GRM3: variants seen among roughly 807,000 people sequenced by gnomAD.
GRM3 encodes metabotropic glutamate receptor 3.
A neutral mutation model predicts 70.5 loss-of-function variants in GRM3; 26 were observed. The observed-to-expected ratio is 0.37, with a 90% CI of 0.27 to 0.51. The LOEUF is 0.51. Among genes scored for constraint, GRM3 ranks in the 20% least tolerant of loss-of-function variants. The pLI, the probability that GRM3 is intolerant of heterozygous loss-of-function variation, is 0.93. For synonymous variants in GRM3, 443 were observed against 434.9 expected (o/e 1.02, Z -0.23); for missense variants, 859 against 1,123.8 (o/e 0.76, Z 3.37).
At chr7:86,805,293 G>T (rs930178895) in intron 3 of GRM3, among the ~76,000 whole-genome samples, 14 of 151,834 alleles carry the variant, frequency 9.2e-5, no homozygotes, top group African/African-American at 3.4e-4. Flanking sequence ...TTTTTTTAGA[G>T]CAGTTTTGGT....
chr7:86,764,123 G>C (rs1384386316), intron 1 of GRM3, among the ~76,000 whole-genome samples: 1 of 152,122 alleles, frequency 6.6e-6, no homozygotes. Flanking sequence ...GTGTCTGAAG[G>C]ATGTGTGGGT....
At chr7:86,789,365 A>G (rs999552743) in intron 3 of GRM3, among the ~76,000 whole-genome samples, 1 of 152,208 alleles carries the variant, frequency 6.6e-6, no homozygotes, top group Non-Finnish European at 1.5e-5. Flanking sequence ...TAAGTCAAAG[A>G]ACTAACTATA....
At chr7:86,810,798 A>C (rs1013116997) in intron 3 of GRM3, among the ~76,000 whole-genome samples, 2 of 151,940 alleles carry the variant, frequency 1.3e-5, no homozygotes, top group African/African-American at 4.8e-5. Context: ...TCTTAAAAAG[A>C]CTTTTGTTTT....
rs1793860639 is a variant in GRM3, at chr7:86,660,301, T to G, written c.-141+15429T>G. On this transcript the variant is annotated intron_variant, in intron 1 of 5. Coordinates refer to ENST00000361669, the MANE Select transcript of GRM3 (RefSeq NM_000840.3). ...AATTAATTGTGCAGTTTAGCTGAACTTTGCCTTTCCTTGTATCCTAGGAGA... is the reference window on the plus strand; with the variant it reads ...AATTAATTGTGCAGTTTAGCTGAACGTTGCCTTTCCTTGTATCCTAGGAGA... Among the ~76,000 whole-genome samples the G allele has an allele frequency of 3.3e-5, 5 of 152,068 alleles. No individual in the cohort carries two copies. The South Asian group carries it at 1.0e-3, about 31-fold the overall frequency.
chr7:86,813,778 C>G (rs181889258), intron 3 of GRM3, among the ~76,000 whole-genome samples: 150 of 151,740 alleles, frequency 9.9e-4, no homozygotes, highest in African/African-American at 3.5e-3. Context: ...AATTTTATTC[C>G]TCTCTTAAGG....
At chr7:86,762,221 T>C (rs1461678149) in intron 1 of GRM3, among the ~76,000 whole-genome samples, 2 of 152,116 alleles carry the variant, frequency 1.3e-5, no homozygotes, top group Non-Finnish European at 2.9e-5. Flanking sequence ...GTATCAACTT[T>C]TTAAAAAAAT....
At chr7:86,707,599 C>T (rs1280452284) in intron 1 of GRM3, among the ~76,000 whole-genome samples, 2 of 152,108 alleles carry the variant, frequency 1.3e-5, no homozygotes, top group East Asian at 3.9e-4. Context: ...AGGGTTGATG[C>T]AGGGAACAAA....
intron 1 of GRM3, among the ~76,000 whole-genome samples, chr7:86,707,937 T>A (rs1336907234): frequency 1.3e-5 from 2 of 152,054 alleles, no homozygotes; most frequent in Non-Finnish European, 2.9e-5. Context: ...AAGAACCCTA[T>A]GAAAAAGGTA....
At chr7:86,721,876 T>C (rs1795472968) in intron 1 of GRM3, among the ~76,000 whole-genome samples, 1 of 152,112 alleles carries the variant, frequency 6.6e-6, no homozygotes, top group Non-Finnish European at 1.5e-5. Context: ...CAGTGTGATG[T>C]CATTGGCACC....
chr7:86,769,951 C>A (rs1018753470), intron 2 of GRM3, among the ~76,000 whole-genome samples: 1 of 152,106 alleles, frequency 6.6e-6, no homozygotes, highest in African/African-American at 2.4e-5. Context: ...CATAAGCCTG[C>A]AATCCACCCA....
chr7:86,694,891 G>A (rs1488263834), intron 1 of GRM3, among the ~76,000 whole-genome samples: 2 of 152,140 alleles, frequency 1.3e-5, no homozygotes, highest in Non-Finnish European at 2.9e-5. Flanking sequence ...ATATTATGTT[G>A]TTCACAGTCT....
chr7:86,677,976 G>C (rs1193050449), intron 1 of GRM3, among the ~76,000 whole-genome samples: 1 of 151,830 alleles, frequency 6.6e-6, no homozygotes, highest in Admixed American at 6.6e-5. Flanking sequence ...AAGGAGACTA[G>C]TAAATAAATT....
chr7:86,784,059 C>T (rs1375565137), intron 2 of GRM3, among the ~76,000 whole-genome samples: 1 of 152,184 alleles, frequency 6.6e-6, no homozygotes, highest in Non-Finnish European at 1.5e-5. Context: ...AAAGTTACAG[C>T]TCATTGTGCC....
chr7:86,670,563 T>C (rs1794144932), intron 1 of GRM3, among the ~76,000 whole-genome samples: 1 of 152,210 alleles, frequency 6.6e-6, no homozygotes, highest in South Asian at 2.1e-4. Context: ...TCCACTCCTC[T>C]TTTCAATCCT....
At chr7:86,743,641 T>C (rs191686019) in intron 1 of GRM3, among the ~76,000 whole-genome samples, 1 of 152,238 alleles carries the variant, frequency 6.6e-6, no homozygotes, top group Non-Finnish European at 1.5e-5. Flanking sequence ...TTCTAGAGTG[T>C]CCTGTATTGA....
At chr7:86,838,691 T>C (rs1026265702) in intron 3 of GRM3, 148 bp from the exon 4 acceptor site, 9 of 606,316 alleles carry the variant, frequency 1.5e-5, no homozygotes, top group Non-Finnish European at 2.0e-5. Flanking sequence ...GCTTTTGAAG[T>C]GTAACTTTCA....
At chr7:86,804,109 T>C (rs1337861941) in intron 3 of GRM3, among the ~76,000 whole-genome samples, 1 of 152,170 alleles carries the variant, frequency 6.6e-6, no homozygotes, top group Non-Finnish European at 1.5e-5. Context: ...GATATGTTCC[T>C]TCAGCTTGCA....
chr7:86,662,168 A>AT (rs1393430855), intron 1 of GRM3, among the ~76,000 whole-genome samples: 2 of 151,836 alleles, frequency 1.3e-5, no homozygotes, highest in Non-Finnish European at 2.9e-5. Flanking sequence ...TATTTCATGT[A>AT]TTTTTTTAAG....
At position 86,689,730 on chromosome 7, in the gene GRM3, A is replaced by G. The variant is rs539475626; in HGVS notation, c.-141+44858A>G. Among the ~76,000 whole-genome samples the G allele has an allele frequency of 2.6e-5, 4 of 152,318 alleles. No homozygotes were observed. The South Asian group carries it at 8.3e-4, about 32-fold the overall frequency. On this transcript the variant is annotated intron_variant, in intron 1 of 5. Coordinates refer to ENST00000361669, the MANE Select transcript of GRM3 (RefSeq NM_000840.3). ...AAGAAGGATACTGATAAGAGCAATA[A>G]GAATTATTTTACATAGATGCCTTGA...
Sources: allele counts gnomAD v4.1 joint callset (sites outside exome capture counted in the v4.1 genomes callset), GRCh38; gene constraint gnomAD v4.1.1; transcripts MANE v1.5; gene names NCBI Gene and HGNC (gene_info 2026-07-23, HGNC 2026-07-21).